Variants in NAALAD2 observed in about 807,000 individuals in gnomAD.
NAALAD2 encodes N-acetylated-alpha-linked acidic dipeptidase 2.
In NAALAD2, 89 loss-of-function variants were observed where a neutral mutation model predicts 95.6. The observed-to-expected ratio is 0.93, with a 90% CI of 0.78 to 1.11. The LOEUF (loss-of-function observed/expected upper bound fraction) is 1.11. Ranked by LOEUF, NAALAD2 falls within the 50% of genes least tolerant of loss-of-function variation. The pLI is 0.00. For synonymous variants in NAALAD2, 264 were observed against 294.4 expected (o/e 0.90, Z 1.06); for missense variants, 894 against 872.4 (o/e 1.02, Z -0.31).
intron 13 of NAALAD2, among the ~76,000 whole-genome samples, chr11:90,173,334 C>T (rs1166967647): frequency 6.6e-6 from 1 of 152,052 alleles, no homozygotes; most frequent in African/African-American, 2.4e-5. Context: ...CCCTGCCTGC[C>T]CTGCAAAACC....
intron 8 of NAALAD2, among the ~76,000 whole-genome samples, chr11:90,161,682 A>G (rs1351199146): frequency 6.6e-6 from 1 of 152,186 alleles, no homozygotes; most frequent in African/African-American, 2.4e-5. Context: ...TGAGAATCTT[A>G]GCAGATAGCC....
rs988962621 is a variant in NAALAD2 at position 90,154,953 on chromosome 11, C to T, written c.796+2469C>T. Reference sequence around the variant, plus strand: ...CGTATACATATGTATATATTATATACGTATACATAATATGTATATATTATA... The same window carrying T: ...CGTATACATATGTATATATTATATATGTATACATAATATGTATATATTATA... On this transcript the variant is annotated intron_variant, in intron 6 of 18. Coordinates refer to ENST00000534061, the MANE Select transcript of NAALAD2 (RefSeq NM_005467.4). Among the ~76,000 whole-genome samples, 6 of 102,604 alleles carry T rather than the reference C, an allele frequency of 5.8e-5. 1 individual carries two copies. Among genetic ancestry groups the T allele is most frequent in the Non-Finnish European group, 1.1e-4 (6 of 52,854 alleles). 67.3% of individuals were successfully genotyped at this position (102,604 alleles called of 152,430 possible). A position where few individuals can be genotyped will look rare whatever the true frequency, so the allele number is the denominator to read the frequency against.
At chr11:90,142,046 T>C (rs1951632856) in intron 2 of NAALAD2, among the ~76,000 whole-genome samples, 2 of 152,194 alleles carry the variant, frequency 1.3e-5, no homozygotes, top group Non-Finnish European at 2.9e-5. Flanking sequence ...CGTTATTTTG[T>C]TGATGCTCTT....
At chr11:90,164,087 G>C (rs1221606985) in intron 11 of NAALAD2, 1 of 188,170 alleles carries the variant, frequency 5.3e-6, no homozygotes, top group Non-Finnish European at 1.1e-5. Flanking sequence ...CATTTAAAAT[G>C]GCAACCATAA....
intron 6 of NAALAD2, among the ~76,000 whole-genome samples, chr11:90,155,314 A>G (rs1405895640): frequency 1.7e-5 from 2 of 119,500 alleles, no homozygotes; most frequent in African/African-American, 6.5e-5. Context: ...TGTATATATT[A>G]TATATAATAT....
Position 90,163,698 on chromosome 11 carries a change from TA to T in NAALAD2, c.1278+82del, listed in dbSNP as rs374764417. The T allele has an allele frequency of 3.2e-5, 39 of 1,204,310 alleles. No individual in the cohort carries two copies. In the African/African-American group the frequency reaches 5.9e-4, roughly 18 times the overall value. 74.6% of individuals were successfully genotyped at this position (1,204,310 alleles called of 1,614,324 possible). ...GTATGTGTCTCAGGATGATCAAAAA[TA>T]TATTCCATTACCTAATATGGTTTTG... is the stretch of plus-strand genomic sequence containing the variant. On this transcript the variant is annotated intron_variant, in intron 11 of 18. Coordinates refer to ENST00000534061, the MANE Select transcript of NAALAD2 (RefSeq NM_005467.4).
At position 90,147,448 on chromosome 11, in the gene NAALAD2, G is replaced by A; in HGVS notation, c.313G>A (p.Val105Ile). The A allele has an allele frequency of 6.2e-7, 1 of 1,613,944 alleles. No individual in the cohort carries two copies. The highest frequency in any genetic ancestry group is 1.3e-5 in the African/African-American group (1 of 75,034). Residue 105 changes from valine (V) to isoleucine (I), a missense_variant, in exon 3 of 19, where the codon GTC (valine) becomes ATC (isoleucine). Physicochemically the swap from Val to Ile is conservative, Grantham distance 29 (BLOSUM62 3). Coordinates refer to ENST00000534061, the MANE Select transcript of NAALAD2 (RefSeq NM_005467.4). ...LDSAKLVHYD[V>I]LLSYPNETNA... ...TTCAGCCAAGTTGGTTCATTATGAT[G>A]TCCTCTTATCTTACCCCAATGAGAC...
upstream of NAALAD2, chr11:90,134,415 T>C (rs1306639828): frequency 4.0e-6 from 1 of 247,336 alleles, no homozygotes; most frequent in Non-Finnish European, 7.9e-6. Context: ...ACTGGGCATT[T>C]TGGGGGATGG....
chr11:90,149,377 T>A (rs1951830088), intron 4 of NAALAD2, among the ~76,000 whole-genome samples: 1 of 152,198 alleles, frequency 6.6e-6, no homozygotes, highest in African/African-American at 2.4e-5. Context: ...AACAAACTGC[T>A]GAACATGCCT....
Position 90,178,065 on chromosome 11 carries a change from T to C in NAALAD2, c.1806T>C (p.Tyr602=), listed in dbSNP as rs780094646. 1.9e-6 allele frequency: 3 copies of C among 1,613,670 alleles called. No homozygotes were observed. Among genetic ancestry groups the C allele is most frequent in the Non-Finnish European group, 2.5e-6 (3 of 1,179,822 alleles). ...TGAAAAACTATGCAGCAAGTATCTA[T>C]AATCTATCTAAGAAACATGATCAAC... is the stretch of plus-strand genomic sequence containing the variant. ...EALKNYAASI[Y]NLSKKHDQQL... is the part of the protein sequence containing the mutation. The change falls in exon 16 of 19, where the codon TAT becomes TAC. Residue 602 remains tyrosine, a synonymous_variant. Coordinates refer to ENST00000534061, the MANE Select transcript of NAALAD2 (RefSeq NM_005467.4).
chr11:90,191,441 T>A, intron 18 of NAALAD2, 117 bp from the exon 19 acceptor site: 2 of 544,862 alleles, frequency 3.7e-6, no homozygotes, highest in Non-Finnish European at 5.9e-6. Context: ...ATCAACTGTC[T>A]TCTTATTATA....
intron 11 of NAALAD2, among the ~76,000 whole-genome samples, chr11:90,164,524 G>A (rs1406946218): frequency 6.6e-6 from 1 of 152,080 alleles, no homozygotes; most frequent in Non-Finnish European, 1.5e-5. Flanking sequence ...TACTCTTTCT[G>A]TAAGAGTAAG....
intron 2 of NAALAD2, among the ~76,000 whole-genome samples, chr11:90,138,848 T>G (rs1951525563): frequency 6.6e-6 from 1 of 151,178 alleles, no homozygotes; most frequent in Non-Finnish European, 1.5e-5. Flanking sequence ...ACAGTTTTCT[T>G]TAGCAGGAAT....
chr11:90,185,076 C>A (rs924155127), intron 18 of NAALAD2, among the ~76,000 whole-genome samples: 1 of 151,880 alleles, frequency 6.6e-6, no homozygotes, highest in African/African-American at 2.4e-5. Flanking sequence ...TCCTTAAATT[C>A]TGGTATCCAA....
chr11:90,192,639 C>T lies in NAALAD2; in HGVS notation c.*892C>T, dbSNP rs1251357428. The T allele has an allele frequency of 6.6e-6, 1 of 151,908 alleles. No homozygotes were observed. The highest frequency in any genetic ancestry group is 1.5e-5 in the Non-Finnish European group (1 of 67,864). 9.4% of individuals were successfully genotyped at this position (151,908 alleles called of 1,614,324 possible). ...CTGCAAGGAAACCAGAATCATATAC[C>T]TTCTCTTGTGAAATCACCATGAAGT... is the stretch of plus-strand genomic sequence containing the variant. On this transcript the variant is annotated 3_prime_UTR_variant, in exon 19 of 19. Coordinates refer to ENST00000534061, the MANE Select transcript of NAALAD2 (RefSeq NM_005467.4).
upstream of NAALAD2, among the ~76,000 whole-genome samples, chr11:90,133,153 C>A (rs1951378712): frequency 6.6e-6 from 1 of 152,150 alleles, no homozygotes; most frequent in South Asian, 2.1e-4. Context: ...TTACCTAAAG[C>A]TATCAGGGCT....
At chr11:90,175,756 A>G (rs1490218588) in intron 14 of NAALAD2, among the ~76,000 whole-genome samples, 1 of 152,162 alleles carries the variant, frequency 6.6e-6, no homozygotes, top group Non-Finnish European at 1.5e-5. Flanking sequence ...CATTATTTTT[A>G]ATTTTCAGCA....
At chr11:90,150,391 T>C in intron 4 of NAALAD2, 91 bp from the exon 5 acceptor site, 1 of 712,204 alleles carries the variant, frequency 1.4e-6, no homozygotes, top group South Asian at 3.7e-5. Context: ...GGAAACACTT[T>C]TGATGATGTA....
At chr11:90,178,806 A>G (rs1474861068) in intron 16 of NAALAD2, among the ~76,000 whole-genome samples, 2 of 152,218 alleles carry the variant, frequency 1.3e-5, no homozygotes, top group Non-Finnish European at 2.9e-5. Flanking sequence ...ATTACTGCAT[A>G]TATCTTTTAG....
Sources: allele counts gnomAD v4.1 joint callset (sites outside exome capture counted in the v4.1 genomes callset), GRCh38; gene constraint gnomAD v4.1.1; transcripts MANE v1.5; gene names NCBI Gene and HGNC (gene_info 2026-07-23, HGNC 2026-07-21).